Variants in TTC28 observed in about 807,000 individuals in gnomAD.
TTC28 encodes the protein tetratricopeptide repeat protein 28.
TTC28 carries 61 observed loss-of-function variants against 198.0 expected under a neutral mutation model. That is an observed-to-expected ratio of 0.31 (90% CI 0.25 to 0.38). TTC28 has a LOEUF of 0.38. Ranked by LOEUF, TTC28 falls within the 10% of genes least tolerant of loss-of-function variation. The pLI is 1.00. For synonymous variants in TTC28, 1,171 were observed against 1,297.8 expected (o/e 0.90, Z 2.10); for missense variants, 2,678 against 3,164.0 (o/e 0.85, Z 3.69).
chr22:28,417,300 TAAAAAAAAAAAAA>T (rs68164494), intron 2 of TTC28, among the ~76,000 whole-genome samples: 1 of 44,650 alleles, frequency 2.2e-5, no homozygotes, highest in African/African-American at 9.4e-5. Flanking sequence ...CTGTCTCTAC[TAAAAAAAAAAAAA>T]AAAAAAAAAA....
intron 1 of TTC28, among the ~76,000 whole-genome samples, chr22:28,641,501 G>A (rs1360636887): frequency 6.6e-6 from 1 of 152,172 alleles, no homozygotes; most frequent in East Asian, 1.9e-4. Context: ...GTTGTCAGAG[G>A]ATGGAAGGAG....
chr22:28,241,486 G>T (rs911658488), intron 5 of TTC28, among the ~76,000 whole-genome samples: 1 of 151,986 alleles, frequency 6.6e-6, no homozygotes, highest in African/African-American at 2.4e-5. Context: ...ATGAGCTATG[G>T]ATTTGATAAC....
chr22:28,053,887 A>T (rs1231320214), intron 12 of TTC28, among the ~76,000 whole-genome samples: 1 of 152,218 alleles, frequency 6.6e-6, no homozygotes, highest in East Asian at 1.9e-4. Context: ...AGAGCAAAAA[A>T]TAATGACTGT....
At chr22:28,255,079 C>T (rs748896324) in intron 5 of TTC28, among the ~76,000 whole-genome samples, 2 of 152,004 alleles carry the variant, frequency 1.3e-5, no homozygotes, top group Non-Finnish European at 2.9e-5. Context: ...ACTGGTGAAA[C>T]CCCTGAGTTT....
At chr22:28,102,231 G>A (rs1423413548) in intron 8 of TTC28, among the ~76,000 whole-genome samples, 2 of 152,226 alleles carry the variant, frequency 1.3e-5, no homozygotes, top group East Asian at 3.8e-4. Flanking sequence ...AACACAGCCT[G>A]ACCCTGCCTT....
intron 2 of TTC28, among the ~76,000 whole-genome samples, chr22:28,371,881 CAA>C (rs55908260): frequency 0.051 from 7,502 of 147,468 alleles, 287 homozygotes; most frequent in African/African-American, 0.095. Flanking sequence ...CACCCAGCCC[CAA>C]AAAAAAAAAA....
At chr22:28,426,760 G>A (rs572944865) in intron 2 of TTC28, among the ~76,000 whole-genome samples, 1 of 152,222 alleles carries the variant, frequency 6.6e-6, no homozygotes, top group African/African-American at 2.4e-5. Context: ...GTTCAGAAAT[G>A]GCCTTTTGTT....
intron 2 of TTC28, among the ~76,000 whole-genome samples, chr22:28,466,533 T>C (rs1454274153): frequency 1.3e-5 from 2 of 152,156 alleles, no homozygotes; most frequent in African/African-American, 2.4e-5. Context: ...GTACCAAGAA[T>C]GCGAAATGTG....
chr22:28,163,013 T>G, intron 6 of TTC28, 79 bp downstream of exon 6: 1 of 1,423,628 alleles, frequency 7.0e-7, no homozygotes. Context: ...CACAGATTCC[T>G]ATAAAAGATA....
chr22:28,159,903 G>C (rs1920990760), intron 6 of TTC28, among the ~76,000 whole-genome samples: 1 of 152,156 alleles, frequency 6.6e-6, no homozygotes, highest in South Asian at 2.1e-4. Flanking sequence ...ATGAGATCCT[G>C]TCATCTGCAA....
chr22:28,121,544 TTTG>T (rs1277510078), intron 6 of TTC28, among the ~76,000 whole-genome samples: 1 of 152,200 alleles, frequency 6.6e-6, no homozygotes, highest in African/African-American at 2.4e-5. Flanking sequence ...TCTTTTAGTT[TTTG>T]TTGTTGTTGT....
intron 2 of TTC28, among the ~76,000 whole-genome samples, chr22:28,330,743 G>A (rs1386376614): frequency 1.3e-5 from 2 of 152,010 alleles, no homozygotes; most frequent in African/African-American, 2.4e-5. Context: ...TGCAAAGAGG[G>A]TATATAAGAA....
chr22:28,316,100 C>T (rs529519817), intron 2 of TTC28, among the ~76,000 whole-genome samples: 3 of 152,248 alleles, frequency 2.0e-5, no homozygotes, highest in East Asian at 3.9e-4. Context: ...TGCTTTATTC[C>T]GCTTACTGCA....
chr22:28,573,023 G>C (rs1461271020), intron 2 of TTC28, among the ~76,000 whole-genome samples: 1 of 151,866 alleles, frequency 6.6e-6, no homozygotes, highest in Admixed American at 6.6e-5. Context: ...TTGGGAGGCT[G>C]AGGTGGGAGG....
chr22:28,017,228 G>C (rs1247791731), intron 13 of TTC28, among the ~76,000 whole-genome samples: 1 of 152,256 alleles, frequency 6.6e-6, no homozygotes, highest in African/African-American at 2.4e-5. Flanking sequence ...CAGGGCCCAA[G>C]TGCTAACGGC....
chr22:28,380,350 G>T (rs1284000755), intron 2 of TTC28, among the ~76,000 whole-genome samples: 1 of 152,032 alleles, frequency 6.6e-6, no homozygotes, highest in East Asian at 1.9e-4. Context: ...GACAATGCTG[G>T]AAACTATTAA....
At chr22:28,606,970 A>C (rs1304355367) in intron 2 of TTC28, among the ~76,000 whole-genome samples, 1 of 152,164 alleles carries the variant, frequency 6.6e-6, no homozygotes, top group South Asian at 2.1e-4. Flanking sequence ...GTAATTTGAG[A>C]AATGGTAAGT....
At position 28,096,549 on chromosome 22, in the gene TTC28, C is replaced by T. The variant is rs1275729183; in HGVS notation, c.3548-141G>A. ...ATGTGACAGAATCTCAGTCACACTG[C>T]TTCAGATTCAATTCCCTGCCTCAGA... On this transcript the variant is annotated intron_variant, in intron 10 of 22. Coordinates refer to ENST00000397906, the MANE Select transcript of TTC28 (RefSeq NM_001145418.2). 4.5e-6 allele frequency: 4 copies of T among 891,342 alleles called. No individual in the cohort carries two copies. In the African/African-American group the frequency reaches 5.0e-5, roughly 11 times the overall value. The allele number at this position is 891,342 out of a possible 1,614,324, so 55.2% of individuals were successfully genotyped here. A position where few individuals can be genotyped will look rare whatever the true frequency, so the allele number is the denominator to read the frequency against.
chr22:28,205,170 A>G (rs1002840102), intron 5 of TTC28, among the ~76,000 whole-genome samples: 5 of 152,114 alleles, frequency 3.3e-5, no homozygotes, highest in African/African-American at 9.7e-5. Context: ...TTAGATGAAT[A>G]CAGTGAAGAT....
Sources: allele counts gnomAD v4.1 joint callset (sites outside exome capture counted in the v4.1 genomes callset), GRCh38; gene constraint gnomAD v4.1.1; transcripts MANE v1.5; gene names NCBI Gene and HGNC (gene_info 2026-07-23, HGNC 2026-07-21).